Variants in SLC13A3 observed in about 807,000 individuals in gnomAD.
SLC13A3 encodes the protein solute carrier family 13 member 3.
A neutral mutation model predicts 59.0 loss-of-function variants in SLC13A3; 40 were observed. The ratio of observed to expected loss-of-function variants is 0.68; its 90% CI spans 0.53 to 0.88. The LOEUF (loss-of-function observed/expected upper bound fraction) is 0.88. SLC13A3 is among the 40% of genes least tolerant of loss of function. SLC13A3 has a pLI of 0.00. For missense variants in SLC13A3, 699 were observed against 783.2 expected, an observed-to-expected ratio of 0.89 and a Z score of 1.28; for synonymous variants, 317 against 330.3, an observed-to-expected ratio of 0.96 and a Z score of 0.44.
intron 1 of SLC13A3, among the ~76,000 whole-genome samples, chr20:46,640,742 C>T (rs2062839503): frequency 6.6e-6 from 1 of 152,182 alleles, no homozygotes; most frequent in South Asian, 2.1e-4. Flanking sequence ...AGTTTGGACA[C>T]ACGTGTCTGA....
rs773565979 is a variant in SLC13A3, at chr20:46,615,598, T to C, written c.112-1873A>G. 3.5e-4 allele frequency among the ~76,000 whole-genome samples: 54 copies of C among 152,332 alleles called. 1 individual carries two copies. Among genetic ancestry groups the C allele is most frequent in the Middle Eastern group, 3.4e-3 (1 of 294 alleles). ...AGCTTGGCTGATAGATCTGTTGTGA[T>C]ATGTGAGGCAAAGAGAGAAACCAAG... On this transcript the variant is annotated intron_variant, in intron 1 of 12. Coordinates refer to ENST00000279027, the MANE Select transcript of SLC13A3 (RefSeq NM_022829.6).
chr20:46,675,405 C>CTTT (rs1057001519), intron 1 of SLC13A3, among the ~76,000 whole-genome samples: 2 of 112,660 alleles, frequency 1.8e-5, no homozygotes, highest in Non-Finnish European at 3.7e-5. Context: ...AATTTTTTTT[C>CTTT]TTTTTTTTTT....
chr20:46,647,346 T>A (rs760217019), intron 1 of SLC13A3, among the ~76,000 whole-genome samples: 23 of 151,980 alleles, frequency 1.5e-4, no homozygotes, highest in Admixed American at 1.2e-3. Context: ...TCAGGGGGCA[T>A]AAGGCAGGAA....
intron 3 of SLC13A3, among the ~76,000 whole-genome samples, chr20:46,606,492 C>A (rs1048160749): frequency 3.3e-5 from 5 of 152,126 alleles, no homozygotes; most frequent in Admixed American, 6.5e-5. Context: ...ATGTAGATGG[C>A]AAGTTAGCTT....
chr20:46,636,020 T>C (rs1209881849), intron 1 of SLC13A3, among the ~76,000 whole-genome samples: 1 of 152,182 alleles, frequency 6.6e-6, no homozygotes, highest in Non-Finnish European at 1.5e-5. Flanking sequence ...TTCCCACCCA[T>C]TTCCCAGAAA....
chr20:46,672,603 T>C (rs984504051), upstream of SLC13A3, among the ~76,000 whole-genome samples: 8 of 152,166 alleles, frequency 5.3e-5, no homozygotes, highest in Non-Finnish European at 5.9e-5. Flanking sequence ...GCAGGGCCTA[T>C]TCCCCCTCCT....
In SLC13A3 at chr20:46,560,126, T is replaced by C. The variant is rs1436013378; in HGVS notation, c.1705A>G (p.Thr569Ala). Residue 569 changes from threonine (T) to alanine (A), a missense_variant, in exon 13 of 13, where the codon ACC becomes GCC. By Grantham distance (58) the Thr-to-Ala change is moderately conservative. Coordinates refer to ENST00000279027, the MANE Select transcript of SLC13A3 (RefSeq NM_022829.6). ...GGGAAGGTGCCCAGCTGGAAGATGGTCTGTGCCCAGGTATTCATAGCCAAA... is the reference window on the plus strand; with the variant it reads ...GGGAAGGTGCCCAGCTGGAAGATGGCCTGTGCCCAGGTATTCATAGCCAAA... Reference protein sequence around the residue: ...LSLAMNTWAQTIFQLGTFPDW... With the variant: ...LSLAMNTWAQAIFQLGTFPDW... The C allele has an allele frequency of 6.2e-7, 1 of 1,614,084 alleles. No homozygotes were observed. Among genetic ancestry groups the C allele is most frequent in the South Asian group, 1.1e-5 (1 of 91,078 alleles).
intron 1 of SLC13A3, among the ~76,000 whole-genome samples, chr20:46,631,324 C>T (rs533183852): frequency 1.8e-4 from 27 of 152,170 alleles, no homozygotes; most frequent in Non-Finnish European, 4.0e-4. Flanking sequence ...AGTGGAGAAA[C>T]CCTGGTCTAA....
intron 10 of SLC13A3, among the ~76,000 whole-genome samples, chr20:46,574,106 T>C (rs2062052195): frequency 6.6e-6 from 1 of 152,160 alleles, no homozygotes; most frequent in African/African-American, 2.4e-5. Flanking sequence ...CGATTCCTCA[T>C]CTTTAAAATG....
intron 2 of SLC13A3, 61 bp downstream of exon 2, chr20:46,613,399 C>T (rs1471529484): frequency 1.4e-6 from 2 of 1,469,506 alleles, no homozygotes; most frequent in Non-Finnish European, 1.8e-6. Flanking sequence ...CAGGTATAGG[C>T]TCCAGAGGTG....
chr20:46,668,792 GAAGGCCCAC>G (rs2122927270), intron 1 of SLC13A3, among the ~76,000 whole-genome samples: 1 of 152,328 alleles, frequency 6.6e-6, no homozygotes, highest in South Asian at 2.1e-4. Context: ...CTGAAAATCT[GAAGGCCCAC>G]AAGAATTATG....
intron 1 of SLC13A3, among the ~76,000 whole-genome samples, chr20:46,661,025 G>A (rs945531404): frequency 6.6e-6 from 1 of 152,100 alleles, no homozygotes; most frequent in African/African-American, 2.4e-5. Flanking sequence ...GTTTATGCAT[G>A]TTGTTCTTTA....
upstream of SLC13A3, among the ~76,000 whole-genome samples, chr20:46,674,598 C>CGTGTGT (rs1426452317): frequency 1.8e-5 from 1 of 55,970 alleles, no homozygotes; most frequent in Non-Finnish European, 4.4e-5. Flanking sequence ...TGCGCGCGCG[C>CGTGTGT]GCGCGCGTGT....
intron 1 of SLC13A3, among the ~76,000 whole-genome samples, chr20:46,625,646 G>A (rs1437370266): frequency 6.6e-6 from 1 of 152,146 alleles, no homozygotes; most frequent in East Asian, 1.9e-4. Flanking sequence ...CCAAAACAGT[G>A]CTGCAATTTC....
At chr20:46,594,107 C>T (rs73311059) in intron 5 of SLC13A3, among the ~76,000 whole-genome samples, 4,953 of 151,994 alleles carry the variant, frequency 0.033, 143 homozygotes, top group African/African-American at 0.066. Context: ...CTTTTAAATC[C>T]CCTCTTCCTA....
At chr20:46,683,278 C>A (rs1490092210) in intron 1 of SLC13A3, among the ~76,000 whole-genome samples, 1 of 152,214 alleles carries the variant, frequency 6.6e-6, no homozygotes. Context: ...AAAAATCCAG[C>A]TGCAAACATA....
Position 46,643,363 on chromosome 20 carries a change from G to C in SLC13A3, c.111+7948C>G, listed in dbSNP as rs555457113. ...GGGTCTAAAGATAGGGGCAGGGACG[G>C]CCTTTTCGGAGGTAAGATCTGAACG... On this transcript the variant is annotated intron_variant, in intron 1 of 12. Coordinates refer to ENST00000279027, the MANE Select transcript of SLC13A3 (RefSeq NM_022829.6). Among the ~76,000 whole-genome samples the C allele has an allele frequency of 3.3e-3, 508 of 152,300 alleles. 2 individuals carry two copies. The highest frequency in any genetic ancestry group is 4.5e-3 in the Non-Finnish European group (306 of 68,026).
At chr20:46,633,360 A>C (rs371680951) in intron 1 of SLC13A3, among the ~76,000 whole-genome samples, 3 of 152,318 alleles carry the variant, frequency 2.0e-5, no homozygotes, top group East Asian at 3.9e-4. Flanking sequence ...GGCCACTAGG[A>C]GTCACATAGC....
At chr20:46,667,259 G>A (rs926515177) in intron 1 of SLC13A3, among the ~76,000 whole-genome samples, 2 of 152,130 alleles carry the variant, frequency 1.3e-5, no homozygotes, top group Admixed American at 6.5e-5. Flanking sequence ...CTGGGCATGG[G>A]AGGATGGGGT....
Sources: allele counts gnomAD v4.1 joint callset (sites outside exome capture counted in the v4.1 genomes callset), GRCh38; gene constraint gnomAD v4.1.1; transcripts MANE v1.5; gene names NCBI Gene and HGNC (gene_info 2026-07-23, HGNC 2026-07-21).